PIEZO1: variants seen among roughly 807,000 people sequenced by gnomAD.
PIEZO1 encodes piezo type mechanosensitive ion channel component 1 (Er blood group), also known as piezo-type mechanosensitive ion channel component 1.
PIEZO1 carries 296 observed loss-of-function variants against 297.2 expected under a neutral mutation model. That is an observed-to-expected ratio of 1.00 (90% CI 0.91 to 1.10). The LOEUF is 1.10. PIEZO1 is among the 50% of genes least tolerant of loss of function. The pLI is 0.00. For synonymous variants in PIEZO1, 2,427 were observed against 1,507.5 expected, an observed-to-expected ratio of 1.61 and a Z score of -14.13; for missense variants, 5,018 against 3,455.5, an observed-to-expected ratio of 1.45 and a Z score of -11.34.
At chr16:88,768,816 G>T (rs1259233723) in intron 1 of PIEZO1, among the ~76,000 whole-genome samples, 1 of 152,242 alleles carries the variant, frequency 6.6e-6, no homozygotes, top group African/African-American at 2.4e-5. Context: ...CAATGGGCAG[G>T]CCAGCGACAC....
chr16:88,763,432 G>C (rs890876678), intron 1 of PIEZO1, among the ~76,000 whole-genome samples: 3 of 152,196 alleles, frequency 2.0e-5, no homozygotes, highest in African/African-American at 2.4e-5. Context: ...TAATCCAGCA[G>C]TTTATGAGGC....
Position 88,737,619 on chromosome 16 carries a change from C to A in PIEZO1, c.1135G>T (p.Glu379Ter). Reference protein sequence around the residue: ...QHVVPTAPDTEADNCIVHELT... With the variant: ...QHVVPTAPDT ...TCGTGCACGATGCAGTTATCAGCCTCGGTGTCGGGTGCTGTGGGCACCACG... is the reference window on the plus strand; with the variant it reads ...TCGTGCACGATGCAGTTATCAGCCTAGGTGTCGGGTGCTGTGGGCACCACG... Residue 379 changes from glutamate (E) to a stop codon, truncating the protein, a stop_gained, in exon 10 of 51, where the codon GAG becomes TAG. Coordinates refer to ENST00000301015, the MANE Select transcript of PIEZO1 (RefSeq NM_001142864.4). LOFTEE classifies it high-confidence loss of function. 6.5e-7 allele frequency: 1 copy of A among 1,535,070 alleles called. No individual in the cohort carries two copies. The highest frequency in any genetic ancestry group is 8.7e-7 in the Non-Finnish European group (1 of 1,146,604).
chr16:88,738,844 G>T, intron 5 of PIEZO1, 108 bp from the exon 6 acceptor site: 1 of 1,006,110 alleles, frequency 9.9e-7, no homozygotes, highest in Non-Finnish European at 1.5e-6. Context: ...ATCCACAGCT[G>T]CTCCTCTGAG....
At chr16:88,754,707 C>T (rs1224930776) in intron 1 of PIEZO1, among the ~76,000 whole-genome samples, 6 of 152,234 alleles carry the variant, frequency 3.9e-5, no homozygotes, top group Admixed American at 2.6e-4. Flanking sequence ...AGCAGGGGGG[C>T]TCCGTGAAAC....
At chr16:88,737,860 C>T (rs1394547679) in intron 8 of PIEZO1, 46 bp from the exon 9 acceptor site, 2 of 1,533,292 alleles carry the variant, frequency 1.3e-6, no homozygotes, top group Non-Finnish European at 1.7e-6. Flanking sequence ...CACACCCCAC[C>T]CAGAGGCAGG....
chr16:88,727,679 A>G lies in PIEZO1; in HGVS notation c.3197-18T>C, dbSNP rs112429508. On this transcript the variant is annotated intron_variant, in intron 22 of 50. Transcript: ENST00000301015. Reference sequence around the variant, plus strand: ...GGGATAATCTGGGGGAAGGGGTGTCATGTCAGGAAGGGCCGGGCCTGCCTG... The same window carrying G: ...GGGATAATCTGGGGGAAGGGGTGTCGTGTCAGGAAGGGCCGGGCCTGCCTG... 37 of 1,351,336 alleles carry G rather than the reference A, an allele frequency of 2.7e-5. 1 individual carries two copies. The African/African-American group carries it at 4.0e-4, about 14-fold the overall frequency. The allele number at this position is 1,351,336 out of a possible 1,614,324, so 83.7% of individuals were successfully genotyped here.
chr16:88,727,792 G>C, intron 22 of PIEZO1, 131 bp from the exon 23 acceptor site: 2 of 468,446 alleles, frequency 4.3e-6, no homozygotes, highest in Non-Finnish European at 7.7e-6. Flanking sequence ...CACACCTGGT[G>C]TCTCGAGAAC....
Position 88,723,090 on chromosome 16 carries a change from C to A in PIEZO1, c.4495+5G>T, listed in dbSNP as rs566671265. On this transcript the variant is annotated splice_donor_5th_base_variant and intron_variant, in intron 33 of 50. Transcript: ENST00000301015. ...CTCCCACTCCCCAGCCCCGGGCCCA[C>A]GTACCTGCCGCTGCCTCCTCGGGGC... 1.9e-6 allele frequency: 3 copies of A among 1,547,348 alleles called. No individual in the cohort carries two copies. Among genetic ancestry groups the A allele is most frequent in the South Asian group, 2.4e-5 (2 of 84,034 alleles).
intron 19 of PIEZO1, 86 bp from the exon 20 acceptor site, chr16:88,732,818 G>A: frequency 1.5e-6 from 2 of 1,356,910 alleles, no homozygotes; most frequent in Non-Finnish European, 2.0e-6. Context: ...CACAGCTCTG[G>A]GGCAGGTCCA....
At chr16:88,784,535 C>T (rs1332149326) in intron 1 of PIEZO1, among the ~76,000 whole-genome samples, 2 of 152,068 alleles carry the variant, frequency 1.3e-5, no homozygotes, top group East Asian at 3.8e-4. Context: ...GTGCTCCCCC[C>T]ACCACCGCCG....
rs1254659580 is a variant in PIEZO1 at position 88,736,351 on chromosome 16, G to C, written c.1354C>G (p.Leu452Val). The change falls in exon 12 of 51, where the codon CTC becomes GTC. Residue 452 changes from leucine (L) to valine (V), a missense_variant. Leu to Val is a conservative substitution (Grantham distance 32). Transcript: ENST00000301015. ...LTFVLLLWAC[L>V]IWTVRSRHQL... ...TGGCGGCTGCGCACCGTCCAGATGA[G>C]GCAGGCCCAGAGCAGCAGTACGAAG... The C allele has an allele frequency of 3.9e-6, 6 of 1,550,078 alleles. No individual in the cohort carries two copies. Among genetic ancestry groups the C allele is most frequent in the South Asian group, 1.2e-5 (1 of 84,050 alleles).
intron 1 of PIEZO1, among the ~76,000 whole-genome samples, chr16:88,765,647 G>C (rs1383230229): frequency 6.6e-6 from 1 of 151,808 alleles, no homozygotes; most frequent in Non-Finnish European, 1.5e-5. Flanking sequence ...GGTCTCTAGA[G>C]AGCCCAAGTC....
At chr16:88,748,026 CGT>C (rs1906154625) in intron 2 of PIEZO1, among the ~76,000 whole-genome samples, 1 of 152,238 alleles carries the variant, frequency 6.6e-6, no homozygotes, top group Non-Finnish European at 1.5e-5. Context: ...CAGCCTGATG[CGT>C]CCAGCACCTC....
At position 88,722,975 on chromosome 16, in the gene PIEZO1, C is replaced by G. The variant is rs766128083; in HGVS notation, c.4530G>C (p.Thr1510=). ...RSHVVQRVLS[T]AQFLWMLGQA... is the part of the protein sequence containing the mutation. ...GCCCCAGCATCCACAGGAACTGCGC[C>G]GTGCTCAGCACCCTCTGCACCACAT... is the stretch of plus-strand genomic sequence containing the variant. Residue 1510 remains threonine, a synonymous_variant, in exon 34 of 51, where the codon ACG becomes ACC. Transcript: ENST00000301015. 1.3e-6 allele frequency: 2 copies of G among 1,505,470 alleles called. No individual in the cohort carries two copies. The highest frequency in any genetic ancestry group is 2.0e-5 in the Admixed American group (1 of 49,506). The allele number at this position is 1,505,470 out of a possible 1,614,324, so 93.3% of individuals were successfully genotyped here.
intron 1 of PIEZO1, among the ~76,000 whole-genome samples, chr16:88,772,330 C>G (rs1230475429): frequency 6.6e-6 from 1 of 152,222 alleles, no homozygotes; most frequent in Non-Finnish European, 1.5e-5. Flanking sequence ...TAAGCAGGCT[C>G]TTGTGGCTTA....
rs145581720 is a variant in PIEZO1 at position 88,722,715 on chromosome 16, G to A, written c.4669-26C>T. On this transcript the variant is annotated intron_variant, in intron 34 of 50. Transcript: ENST00000301015. ...CTGCAGGGCACAGCAGGGGGCTCAG[G>A]GCTGCGTCCAGCTCTTGTCCCCACA... 5.1e-3 allele frequency: 7,769 copies of A among 1,533,008 alleles called. 23 individuals are homozygous for A. Among genetic ancestry groups the A allele is most frequent in the Non-Finnish European group, 6.1e-3 (6,974 of 1,143,106 alleles). The allele number at this position is 1,533,008 out of a possible 1,614,324, so 95.0% of individuals were successfully genotyped here. A position where few individuals can be genotyped will look rare whatever the true frequency, so the allele number is the denominator to read the frequency against.
chr16:88,725,704 G>A lies in PIEZO1; in HGVS notation c.3969-20C>T. On this transcript the variant is annotated intron_variant, in intron 27 of 50. Transcript: ENST00000301015. Reference sequence around the variant, plus strand: ...AAGCCCCTGTAGGGAGGCGGGGATGGGGTGTGAGCACCAGGCACTCGACCC... The same window carrying A: ...AAGCCCCTGTAGGGAGGCGGGGATGAGGTGTGAGCACCAGGCACTCGACCC... 1 of 1,337,820 alleles carries A rather than the reference G, an allele frequency of 7.5e-7. No homozygotes were observed. Among genetic ancestry groups the A allele is most frequent in the Non-Finnish European group, 1.0e-6 (1 of 953,660 alleles). 82.9% of individuals were successfully genotyped at this position (1,337,820 alleles called of 1,614,324 possible). A position where few individuals can be genotyped will look rare whatever the true frequency, so the allele number is the denominator to read the frequency against.
intron 48 of PIEZO1, 32 bp from the exon 49 acceptor site, chr16:88,716,309 C>T (rs1463366527): frequency 6.0e-6 from 9 of 1,495,478 alleles, no homozygotes; most frequent in Non-Finnish European, 8.1e-6. Flanking sequence ...TCAGGCCTGG[C>T]CCAGCCAACC....
intron 1 of PIEZO1, among the ~76,000 whole-genome samples, chr16:88,768,730 G>A (rs28535856): frequency 0.27 from 41,236 of 152,030 alleles, 6,120 homozygotes; most frequent in Non-Finnish European, 0.33. Context: ...CTGGCTGACC[G>A]TCCCCACCCC....
Sources: allele counts gnomAD v4.1 joint callset (sites outside exome capture counted in the v4.1 genomes callset), GRCh38; gene constraint gnomAD v4.1.1; transcripts MANE v1.5; gene names NCBI Gene and HGNC (gene_info 2026-07-23, HGNC 2026-07-21).